Variants in GSK3B observed in about 807,000 individuals in gnomAD.
GSK3B encodes the protein glycogen synthase kinase 3 beta, also known as glycogen synthase kinase-3 beta.
In GSK3B, 15 loss-of-function variants were observed where a neutral mutation model predicts 56.4. That is an observed-to-expected ratio of 0.27 (90% CI 0.18 to 0.41). The LOEUF (loss-of-function observed/expected upper bound fraction) is 0.41. Among genes scored for constraint, GSK3B ranks in the 10% least tolerant of loss-of-function variants. The pLI is 1.00. For missense variants in GSK3B, 300 were observed against 513.4 expected (o/e 0.58, Z 4.02); for synonymous variants, 181 against 188.9 (o/e 0.96, Z 0.34).
chr3:119,843,766 G>A (rs1052378619), intron 9 of GSK3B, among the ~76,000 whole-genome samples: 1 of 152,060 alleles, frequency 6.6e-6, no homozygotes, highest in Admixed American at 6.5e-5. Flanking sequence ...ACAGATCAAC[G>A]AAACAGAAAA....
chr3:120,029,170 C>CA (rs1434337439), intron 1 of GSK3B: 12 of 684,496 alleles, frequency 1.8e-5, no homozygotes, highest in African/African-American at 1.4e-4. Context: ...CATAAGATCA[C>CA]AAAAAAGAGA....
chr3:120,063,742 A>G (rs1265663744), intron 1 of GSK3B, among the ~76,000 whole-genome samples: 1 of 148,962 alleles, frequency 6.7e-6, no homozygotes, highest in East Asian at 2.0e-4. Context: ...AAAAAAAAAA[A>G]AAAAATCGCA....
intron 1 of GSK3B, among the ~76,000 whole-genome samples, chr3:120,002,926 C>T (rs1174092125): frequency 6.6e-6 from 1 of 152,134 alleles, no homozygotes; most frequent in Admixed American, 6.5e-5. Context: ...TCTTCAAGAC[C>T]TTATTTTACT....
intron 8 of GSK3B, among the ~76,000 whole-genome samples, chr3:119,865,082 T>A (rs1324143563): frequency 1.3e-5 from 2 of 152,120 alleles, no homozygotes; most frequent in African/African-American, 4.8e-5. Flanking sequence ...CCTCTCTTGC[T>A]CCCAAGGTCC....
chr3:119,933,843 C>G (rs951966095), intron 3 of GSK3B, among the ~76,000 whole-genome samples: 1 of 152,152 alleles, frequency 6.6e-6, no homozygotes, highest in Non-Finnish European at 1.5e-5. Context: ...AGCCACTGCA[C>G]TCCAGCCTGA....
chr3:119,967,662 A>T (rs1219554425), intron 2 of GSK3B, among the ~76,000 whole-genome samples: 3 of 152,174 alleles, frequency 2.0e-5, no homozygotes, highest in African/African-American at 7.2e-5. Flanking sequence ...TTTTTCAACA[A>T]ATGAAGCTTT....
chr3:120,093,983 T>C lies in GSK3B; in HGVS notation c.-549A>G, dbSNP rs1343033403. 4.7e-6 allele frequency: 1 copy of C among 211,784 alleles called. No individual in the cohort carries two copies. The highest frequency in any genetic ancestry group is 9.7e-6 in the Non-Finnish European group (1 of 103,374). The allele number at this position is 211,784 out of a possible 1,614,324, so 13.1% of individuals were successfully genotyped here. The stretch of plus-strand genomic sequence containing the variant: ...CGGCAAGCCGCGGGATCCGGCGGGC[T>C]GACGGCAGGGGCCCGGCGAACTAGA... On this transcript the variant is annotated 5_prime_UTR_variant, in exon 1 of 11. Coordinates refer to ENST00000264235, the MANE Select transcript of GSK3B (RefSeq NM_001146156.2).
At chr3:120,091,245 A>T (rs1192807845) in intron 1 of GSK3B, among the ~76,000 whole-genome samples, 3 of 152,218 alleles carry the variant, frequency 2.0e-5, no homozygotes, top group Non-Finnish European at 2.9e-5. Flanking sequence ...TCTGTTTTCA[A>T]CAGGGGTTCC....
At chr3:119,971,084 A>T (rs922322474) in intron 2 of GSK3B, among the ~76,000 whole-genome samples, 1 of 152,222 alleles carries the variant, frequency 6.6e-6, no homozygotes, top group Non-Finnish European at 1.5e-5. Flanking sequence ...CTGACTTCTC[A>T]AAGTTTAATC....
At chr3:119,876,877 G>A (rs1235706665) in intron 7 of GSK3B, among the ~76,000 whole-genome samples, 1 of 152,144 alleles carries the variant, frequency 6.6e-6, no homozygotes, top group Non-Finnish European at 1.5e-5. Context: ...CTTCCAATAT[G>A]AGATGATACA....
chr3:119,930,718 C>T (rs1429001289), intron 3 of GSK3B, among the ~76,000 whole-genome samples: 1 of 152,122 alleles, frequency 6.6e-6, no homozygotes. Context: ...TGTAATTGAA[C>T]AGAACTCAAA....
At chr3:119,899,366 T>C (rs1310878292) in intron 7 of GSK3B, among the ~76,000 whole-genome samples, 1 of 152,158 alleles carries the variant, frequency 6.6e-6, no homozygotes, top group Non-Finnish European at 1.5e-5. Context: ...ATCAGGAGAC[T>C]ACTGTAGTAA....
chr3:119,988,460 G>A (rs75044742), intron 2 of GSK3B, among the ~76,000 whole-genome samples: 14,647 of 152,128 alleles, frequency 0.096, 840 homozygotes, highest in African/African-American at 0.16. Context: ...GTTTTCTTTT[G>A]TAACAGGACA....
At chr3:119,905,720 C>T in intron 7 of GSK3B, 35 bp downstream of exon 7, 1 of 1,157,170 alleles carries the variant, frequency 8.6e-7, no homozygotes, top group Non-Finnish European at 1.3e-6. Flanking sequence ...ACAAAAATTC[C>T]TTCCAGTTCA....
At chr3:120,004,918 G>A (rs1465021746) in intron 1 of GSK3B, among the ~76,000 whole-genome samples, 1 of 152,156 alleles carries the variant, frequency 6.6e-6, no homozygotes, top group South Asian at 2.1e-4. Flanking sequence ...ACTGGATGCA[G>A]AATGAGTTTG....
intron 7 of GSK3B, among the ~76,000 whole-genome samples, chr3:119,878,887 A>G (rs769172075): frequency 1.3e-5 from 2 of 152,212 alleles, no homozygotes; most frequent in Admixed American, 1.3e-4. Context: ...TTTTCTATCT[A>G]TAGTGACAGA....
intron 1 of GSK3B, chr3:120,029,467 C>T (rs2057957268): frequency 2.9e-6 from 2 of 692,862 alleles, no homozygotes; most frequent in Admixed American, 1.9e-5. Flanking sequence ...GGATCAAGAG[C>T]AGTGTTATTA....
intron 1 of GSK3B, among the ~76,000 whole-genome samples, chr3:120,005,754 C>T (rs929932770): frequency 7.9e-5 from 12 of 152,150 alleles, no homozygotes; most frequent in Non-Finnish European, 1.6e-4. Context: ...CCAGGCCTGC[C>T]TTACAAGAGC....
intron 7 of GSK3B, among the ~76,000 whole-genome samples, chr3:119,903,057 C>T (rs1025307225): frequency 1.3e-5 from 2 of 152,148 alleles, no homozygotes; most frequent in African/African-American, 4.8e-5. Flanking sequence ...ACACACACAA[C>T]ACTCTTATGA....
Sources: gnomAD v4.1 joint callset for allele counts (sites outside exome capture counted in the v4.1 genomes callset) on GRCh38, gnomAD v4.1.1 for gene constraint, MANE v1.5 for transcripts, NCBI Gene and HGNC (gene_info 2026-07-23, HGNC 2026-07-21) for gene names.